Variants in SNX19 observed in about 807,000 individuals in gnomAD.
SNX19 encodes the protein sorting nexin 19.
SNX19 carries 60 observed loss-of-function variants against 85.2 expected under a neutral mutation model. That is an observed-to-expected ratio of 0.70 (90% confidence interval 0.57 to 0.87). The LOEUF (loss-of-function observed/expected upper bound fraction) is 0.87. Among genes scored for constraint, SNX19 ranks in the 40% least tolerant of loss-of-function variants. The pLI is 0.00. For synonymous variants in SNX19, 520 were observed against 470.0 expected (o/e 1.11, Z -1.38); for missense variants, 1,201 against 1,217.8 (o/e 0.99, Z 0.21).
chr11:130,884,319 T>C (rs1943894293), intron 8 of SNX19, among the ~76,000 whole-genome samples: 1 of 151,806 alleles, frequency 6.6e-6, no homozygotes, highest in Non-Finnish European at 1.5e-5. Flanking sequence ...ATTAACTCTC[T>C]TCATCTCGCG....
At chr11:130,883,719 T>C (rs944103458) in intron 8 of SNX19, among the ~76,000 whole-genome samples, 2 of 152,198 alleles carry the variant, frequency 1.3e-5, no homozygotes, top group East Asian at 3.9e-4. Context: ...GGGCTCAGCA[T>C]GGTCTTATTT....
At position 130,916,021 on chromosome 11, in the gene SNX19, G is replaced by C; in HGVS notation, c.-82C>G. On this transcript the variant is annotated 5_prime_UTR_variant, in exon 1 of 11. Coordinates refer to ENST00000265909, the MANE Select transcript of SNX19 (RefSeq NM_014758.3). ...GTTAGGGAAGGGGGGCATGAACTGTGTCTCAGATATGGGGCGATCTGGGTG... is the reference window on the plus strand; with the variant it reads ...GTTAGGGAAGGGGGGCATGAACTGTCTCTCAGATATGGGGCGATCTGGGTG... The C allele has an allele frequency of 7.7e-7, 1 of 1,302,394 alleles. No individual in the cohort carries two copies. Among genetic ancestry groups the C allele is most frequent in the Non-Finnish European group, 1.1e-6 (1 of 938,976 alleles). 80.7% of individuals were successfully genotyped at this position (1,302,394 alleles called of 1,614,324 possible).
intron 8 of SNX19, among the ~76,000 whole-genome samples, chr11:130,897,546 G>A (rs1457006919): frequency 2.0e-5 from 3 of 152,204 alleles, no homozygotes; most frequent in Non-Finnish European, 4.4e-5. Context: ...TGCTGGCATG[G>A]TTCCTATTTT....
chr11:130,910,279 T>C lies in SNX19; in HGVS notation c.1905A>G (p.Ser635=). 1.9e-6 allele frequency: 3 copies of C among 1,613,548 alleles called. No homozygotes were observed. The highest frequency in any genetic ancestry group is 1.7e-6 in the Non-Finnish European group (2 of 1,179,814). ...AGAGAAGGATGCTGACCTTTAGGAA[T>C]GATTCTAGGAGGCTCTTACGGGCTT... is the stretch of plus-strand genomic sequence containing the variant. ...RVEARKSLLE[S]FLKQLCAIPE... The change falls in exon 3 of 11, where the codon TCA becomes TCG. Residue 635 remains serine (S), a synonymous_variant. Coordinates refer to ENST00000265909, the MANE Select transcript of SNX19 (RefSeq NM_014758.3).
intron 8 of SNX19, among the ~76,000 whole-genome samples, chr11:130,901,199 A>G (rs968956545): frequency 6.6e-6 from 1 of 152,170 alleles, no homozygotes; most frequent in African/African-American, 2.4e-5. Flanking sequence ...CAGTTGTGAC[A>G]ACAAAAAATA....
intron 7 of SNX19, among the ~76,000 whole-genome samples, chr11:130,904,819 G>C (rs544253190): frequency 4.3e-4 from 65 of 152,012 alleles, no homozygotes; most frequent in African/African-American, 1.5e-3. Context: ...ACTTTGCCTA[G>C]AATGATATTC....
chr11:130,886,654 A>C (rs933325126), intron 8 of SNX19, among the ~76,000 whole-genome samples: 32 of 152,158 alleles, frequency 2.1e-4, no homozygotes, highest in Non-Finnish European at 4.4e-5. Flanking sequence ...GAGAGAAAGG[A>C]GGTCTTGGAG....
At position 130,879,621 on chromosome 11, in the gene SNX19, T is replaced by TA. The variant is rs781302745; in HGVS notation, c.2846+2dup. Reference sequence around the variant, plus strand: ...GATGTTGGAATAACATTTTCCCACTTACCTGTTGATGAGGGGTTGTTGTAG... The same window carrying TA: ...GATGTTGGAATAACATTTTCCCACTTAACCTGTTGATGAGGGGTTGTTGTAG... On this transcript the variant is annotated splice_region_variant and intron_variant, in intron 10 of 10. Transcript: ENST00000265909. The TA allele has an allele frequency of 6.2e-7, 1 of 1,613,502 alleles. No individual in the cohort carries two copies.
rs1260267945 is a variant in SNX19 at position 130,910,016 on chromosome 11, A to T, written c.2034+2T>A. ...AGCTGAGCACAGTGGCCCTGCTGGT[A>T]CCTTGTCTATTCTAGAGACCATAAA... On this transcript the variant is annotated splice_donor_variant, in intron 4 of 10. Coordinates refer to ENST00000265909, the MANE Select transcript of SNX19 (RefSeq NM_014758.3). LOFTEE classifies it high-confidence loss of function. The T allele has an allele frequency of 1.9e-6, 3 of 1,612,852 alleles. No homozygotes were observed. In the Admixed American group the frequency reaches 5.0e-5, roughly 27 times the overall value.
rs1317654277 is a variant in SNX19 at position 130,910,013 on chromosome 11, G to A, written c.2034+5C>T. 24 of 1,612,688 alleles carry A rather than the reference G, an allele frequency of 1.5e-5. No individual in the cohort carries two copies. Among genetic ancestry groups the A allele is most frequent in the Non-Finnish European group, 1.9e-5 (23 of 1,180,004 alleles). ...TAAAGCTGAGCACAGTGGCCCTGCTGGTACCTTGTCTATTCTAGAGACCAT... is the reference window on the plus strand; with the variant it reads ...TAAAGCTGAGCACAGTGGCCCTGCTAGTACCTTGTCTATTCTAGAGACCAT... On this transcript the variant is annotated splice_donor_5th_base_variant and intron_variant, in intron 4 of 10. Coordinates refer to ENST00000265909, the MANE Select transcript of SNX19 (RefSeq NM_014758.3).
At chr11:130,914,188 C>T (rs780854277) in intron 1 of SNX19, 78 bp downstream of exon 1, 14 of 1,247,114 alleles carry the variant, frequency 1.1e-5, no homozygotes, top group Admixed American at 2.5e-5. Context: ...CATCTCTCCC[C>T]CAAGAACATT....
At chr11:130,890,293 T>C (rs1592303998) in intron 8 of SNX19, among the ~76,000 whole-genome samples, 1 of 152,286 alleles carries the variant, frequency 6.6e-6, no homozygotes, top group East Asian at 1.9e-4. Flanking sequence ...ACCATCTCTA[T>C]AGCAATGATC....
chr11:130,882,445 C>A (rs886656230), intron 8 of SNX19, among the ~76,000 whole-genome samples: 2 of 152,242 alleles, frequency 1.3e-5, no homozygotes, highest in African/African-American at 2.4e-5. Context: ...GGCATTCCAG[C>A]CATGAGGGCT....
At chr11:130,891,915 A>G (rs1472081605) in intron 8 of SNX19, among the ~76,000 whole-genome samples, 1 of 148,778 alleles carries the variant, frequency 6.7e-6, no homozygotes, top group Admixed American at 6.8e-5. Flanking sequence ...ATCTCGGCTC[A>G]CTGAAACCTC....
intron 8 of SNX19, among the ~76,000 whole-genome samples, chr11:130,881,499 G>A (rs1314155569): frequency 6.6e-6 from 1 of 152,180 alleles, no homozygotes; most frequent in Non-Finnish European, 1.5e-5. Context: ...CCTCTGATGG[G>A]AAGCATTATA....
chr11:130,879,448 A>AT (rs1943493956), intron 10 of SNX19, among the ~76,000 whole-genome samples, 176 bp downstream of exon 10: 2 of 94,272 alleles, frequency 2.1e-5, no homozygotes, highest in Admixed American at 1.0e-4. Flanking sequence ...GATGGTGTGG[A>AT]TTTTACTTAG....
In SNX19 at chr11:130,914,009, G is replaced by A. The variant is rs142838738; in HGVS notation, c.1674+257C>T. 2.6e-3 allele frequency among the ~76,000 whole-genome samples: 403 copies of A among 152,344 alleles called. 2 individuals carry two copies. Among genetic ancestry groups the A allele is most frequent in the African/African-American group, 9.3e-3 (385 of 41,584 alleles). On this transcript the variant is annotated intron_variant, in intron 1 of 10. Transcript: ENST00000265909. ...AAGGCAGCTCAAGTGATTTTGAGGTGCAGCCAAGTTTGGGAACCACTGAAA... is the reference window on the plus strand; with the variant it reads ...AAGGCAGCTCAAGTGATTTTGAGGTACAGCCAAGTTTGGGAACCACTGAAA...
At position 130,867,014 on chromosome 11, in the gene SNX19, T is replaced by C. The variant is rs1392655662; in HGVS notation, c.*11408A>G. 6.6e-6 allele frequency: 1 copy of C among 152,212 alleles called. No homozygotes were observed. The highest frequency in any genetic ancestry group is 2.4e-5 in the African/African-American group (1 of 41,442). 9.4% of individuals were successfully genotyped at this position (152,212 alleles called of 1,614,324 possible). ...ACAAGGAAACTAAGCCACAGAGGTGTGAAATCCCTTTCCTAAGGCCAGACA... is the reference window on the plus strand; with the variant it reads ...ACAAGGAAACTAAGCCACAGAGGTGCGAAATCCCTTTCCTAAGGCCAGACA... On this transcript the variant is annotated 3_prime_UTR_variant, in exon 11 of 11. Transcript: ENST00000265909.
Position 130,915,327 on chromosome 11 carries a change from G to A in SNX19, c.613C>T (p.Pro205Ser), listed in dbSNP as rs1385170476. ...ATAPHPAVHSPSAEVTYTRGV... is the reference protein window; with the variant it reads ...ATAPHPAVHSSSAEVTYTRGV... ...CGCGTATAGGTGACTTCAGCACTGG[G>A]GCTGTGCACAGCAGGATGTGGGGCA... The change falls in exon 1 of 11, where the codon CCC becomes TCC. Residue 205 changes from proline to serine, a missense_variant. Physicochemically the swap from Pro to Ser is moderately conservative, Grantham distance 74. Transcript: ENST00000265909. 2.5e-6 allele frequency: 4 copies of A among 1,614,070 alleles called. No homozygotes were observed. In the Admixed American group the frequency reaches 6.7e-5, roughly 27 times the overall value.
Sources: gnomAD v4.1 joint callset for allele counts (sites outside exome capture counted in the v4.1 genomes callset) on GRCh38, gnomAD v4.1.1 for gene constraint, MANE v1.5 for transcripts, NCBI Gene and HGNC (gene_info 2026-07-23, HGNC 2026-07-21) for gene names.